Variants in LRRTM4 observed in about 807,000 individuals in gnomAD.
LRRTM4 encodes leucine-rich repeat transmembrane neuronal protein 4.
LRRTM4 carries 25 observed loss-of-function variants against 47.6 expected under a neutral mutation model. That is an observed-to-expected ratio of 0.53 (90% CI 0.38 to 0.73). LRRTM4 has a LOEUF of 0.73. LRRTM4 is among the 30% of genes least tolerant of loss of function. LRRTM4 has a pLI of 0.00. For synonymous variants in LRRTM4, 311 were observed against 269.5 expected (o/e 1.15, Z -1.51); for missense variants, 638 against 713.4 (o/e 0.89, Z 1.20).
chr2:77,215,514 T>G (rs1281420648), intron 3 of LRRTM4, among the ~76,000 whole-genome samples: 4 of 152,196 alleles, frequency 2.6e-5, no homozygotes, highest in Admixed American at 6.5e-5. Context: ...AATTATGACC[T>G]ATTTTTTTTT....
chr2:77,468,556 A>G (rs1677068670), intron 3 of LRRTM4, among the ~76,000 whole-genome samples: 1 of 152,194 alleles, frequency 6.6e-6, no homozygotes, highest in Non-Finnish European at 1.5e-5. Flanking sequence ...TTGTGCTTTG[A>G]AGCTAATGGA....
intron 3 of LRRTM4, among the ~76,000 whole-genome samples, chr2:77,053,585 T>C (rs1679509990): frequency 6.6e-6 from 1 of 152,150 alleles, no homozygotes; most frequent in African/African-American, 2.4e-5. Context: ...AGCTTGCTAG[T>C]CTCCTAGTGA....
At chr2:76,814,794 TACACACACACATACACACACACACAC>T (rs1377846470) in intron 3 of LRRTM4, among the ~76,000 whole-genome samples, 14 of 149,628 alleles carry the variant, frequency 9.4e-5, no homozygotes, top group Admixed American at 2.0e-4. Flanking sequence ...GGCTTCAAGA[TACACACACACATACACACACACACAC>T]ACACACACAC....
chr2:77,304,590 A>G (rs1377196464), intron 3 of LRRTM4, among the ~76,000 whole-genome samples: 1 of 152,142 alleles, frequency 6.6e-6, no homozygotes, highest in African/African-American at 2.4e-5. Context: ...ACAGAAAGCA[A>G]GAGGGGAATT....
At chr2:77,217,592 T>TG (rs998155840) in intron 3 of LRRTM4, among the ~76,000 whole-genome samples, 2 of 151,434 alleles carry the variant, frequency 1.3e-5, no homozygotes, top group African/African-American at 4.9e-5. Context: ...GCTGTTTGTT[T>TG]GGGGGTCATG....
chr2:77,476,081 A>T (rs929750700), intron 3 of LRRTM4, among the ~76,000 whole-genome samples: 4 of 152,046 alleles, frequency 2.6e-5, no homozygotes, highest in Non-Finnish European at 5.9e-5. Context: ...TTTCTGATGC[A>T]GAAAAATTAG....
intron 3 of LRRTM4, among the ~76,000 whole-genome samples, chr2:77,373,179 A>G (rs1672715542): frequency 6.7e-6 from 1 of 150,052 alleles, no homozygotes; most frequent in Non-Finnish European, 1.5e-5. Context: ...TTAAAAGATG[A>G]AGAGTAACTT....
rs13417419 is a variant in LRRTM4 at position 77,076,953 on chromosome 2, G to C, written c.1552-328037C>G. Among the ~76,000 whole-genome samples, 1,147 of 152,036 alleles carry C rather than the reference G, an allele frequency of 7.5e-3. 15 individuals carry two copies. Among genetic ancestry groups the C allele is most frequent in the African/African-American group, 0.026 (1,097 of 41,450 alleles). On this transcript the variant is annotated intron_variant, in intron 3 of 3. Transcript: ENST00000409884. ...CCTGTATTTCCCCTAGCAGTAATGA[G>C]GTAAACAATAACATCAACAACAATA...
intron 3 of LRRTM4, among the ~76,000 whole-genome samples, chr2:76,784,695 TATTAATATC>T (rs1371611704): frequency 6.6e-6 from 1 of 152,114 alleles, no homozygotes; most frequent in Non-Finnish European, 1.5e-5. Flanking sequence ...CCTAAGTTCT[TATTAATATC>T]ATTTTTACAC....
chr2:77,300,525 A>G lies in LRRTM4; in HGVS notation c.1551+217793T>C. ...TATTTGTAATATAGAGTTTATAATAAATAGTATATGTAGTGAAGAAAAAGT... is the reference window on the plus strand; with the variant it reads ...TATTTGTAATATAGAGTTTATAATAGATAGTATATGTAGTGAAGAAAAAGT... On this transcript the variant is annotated intron_variant, in intron 3 of 3. Coordinates refer to ENST00000409884, the MANE Select transcript of LRRTM4 (RefSeq NM_001134745.3). Among the ~76,000 whole-genome samples, 2 of 152,262 alleles carry G rather than the reference A, an allele frequency of 1.3e-5. 1 individual carries two copies. The highest frequency in any genetic ancestry group is 6.8e-3 in the Middle Eastern group (2 of 294).
intron 3 of LRRTM4, among the ~76,000 whole-genome samples, chr2:76,780,213 C>A (rs1186124726): frequency 6.6e-6 from 1 of 152,272 alleles, no homozygotes; most frequent in African/African-American, 2.4e-5. Context: ...TTCATTTCAA[C>A]TTTGGTGAAT....
rs1412951304 is a variant in LRRTM4, at chr2:77,084,052, G to A, written c.1552-335136C>T. On this transcript the variant is annotated intron_variant, in intron 3 of 3. Transcript: ENST00000409884. ...CATCTCCTGACCTCGTGATCCACCC[G>A]CCTCGGCCTCCCAAAGTGCTGGGAT... 6.6e-5 allele frequency among the ~76,000 whole-genome samples: 10 copies of A among 151,866 alleles called. No individual in the cohort carries two copies. The South Asian group carries it at 1.0e-3, about 16-fold the overall frequency.
At position 76,921,940 on chromosome 2, in the gene LRRTM4, T is replaced by C. The variant is rs560839563; in HGVS notation, c.1552-173024A>G. ...AATAAAATCACTATCTGAAGAGATATTTGCATTTTCACGTTCATTGCAGCA... is the reference window on the plus strand; with the variant it reads ...AATAAAATCACTATCTGAAGAGATACTTGCATTTTCACGTTCATTGCAGCA... On this transcript the variant is annotated intron_variant, in intron 3 of 3. Transcript: ENST00000409884. Among the ~76,000 whole-genome samples the C allele has an allele frequency of 7.2e-5, 11 of 152,210 alleles. No homozygotes were observed. The East Asian group carries it at 1.9e-3, about 27-fold the overall frequency.
chr2:76,792,241 C>T (rs561960047), intron 3 of LRRTM4, among the ~76,000 whole-genome samples: 1 of 152,028 alleles, frequency 6.6e-6, no homozygotes, highest in Admixed American at 6.6e-5. Flanking sequence ...GTTAAGTCGG[C>T]TTAAAAACAA....
rs540345986 is a variant in LRRTM4, at chr2:77,164,670, C to A, written c.1551+353648G>T. 1.7e-4 allele frequency among the ~76,000 whole-genome samples: 26 copies of A among 152,224 alleles called. No homozygotes were observed. In the East Asian group the frequency reaches 2.1e-3, roughly 12 times the overall value. On this transcript the variant is annotated intron_variant, in intron 3 of 3. Coordinates refer to ENST00000409884, the MANE Select transcript of LRRTM4 (RefSeq NM_001134745.3). ...CAGGATTAAGAAACCCACTCAAAAC[C>A]GCTCAACTGCATAGAAACTGAACAA... is the stretch of plus-strand genomic sequence containing the variant.
intron 3 of LRRTM4, among the ~76,000 whole-genome samples, chr2:77,013,231 G>C (rs565137241): frequency 1.2e-4 from 19 of 152,260 alleles, no homozygotes; most frequent in Middle Eastern, 6.8e-3. Context: ...GCAGGAGAAG[G>C]CATGTGCCTT....
intron 3 of LRRTM4, among the ~76,000 whole-genome samples, chr2:76,909,687 C>T (rs1286273414): frequency 7.2e-5 from 11 of 152,118 alleles, no homozygotes; most frequent in South Asian, 4.1e-4. Context: ...GGGCGAAGGA[C>T]ATGAACAGAC....
At chr2:76,861,703 A>C (rs1672318172) in intron 3 of LRRTM4, among the ~76,000 whole-genome samples, 2 of 152,166 alleles carry the variant, frequency 1.3e-5, no homozygotes. Flanking sequence ...ATCTTAATAT[A>C]ATGCAATAAT....
intron 3 of LRRTM4, among the ~76,000 whole-genome samples, chr2:77,463,383 G>A (rs770823753): frequency 2.0e-5 from 3 of 151,912 alleles, no homozygotes; most frequent in Non-Finnish European, 2.9e-5. Flanking sequence ...TCATGAATAC[G>A]CTGTACATTG....
Sources: allele counts gnomAD v4.1 joint callset (sites outside exome capture counted in the v4.1 genomes callset), GRCh38; gene constraint gnomAD v4.1.1; transcripts MANE v1.5; gene names NCBI Gene and HGNC (gene_info 2026-07-23, HGNC 2026-07-21).